The following GABRB2 variants were observed in gnomAD, a reference collection of about 807,000 sequenced individuals.
GABRB2 encodes gamma-aminobutyric acid receptor subunit beta-2.
A neutral mutation model predicts 54.7 loss-of-function variants in GABRB2; 16 were observed. That is an observed-to-expected ratio of 0.29 (90% CI 0.20 to 0.44). The LOEUF is 0.44. Ranked by LOEUF, GABRB2 falls within the 20% of genes least tolerant of loss-of-function variation. GABRB2 has a pLI of 1.00. For missense variants in GABRB2, 355 were observed against 644.0 expected (o/e 0.55, Z 4.86); for synonymous variants, 244 against 233.8 (o/e 1.04, Z -0.40).
At chr5:161,485,552 T>C (rs1758895827) in intron 3 of GABRB2, among the ~76,000 whole-genome samples, 1 of 151,956 alleles carries the variant, frequency 6.6e-6, no homozygotes, top group Non-Finnish European at 1.5e-5. Context: ...TTATACAATG[T>C]CAATTCATTT....
At chr5:161,466,030 C>T (rs1758266184) in intron 3 of GABRB2, among the ~76,000 whole-genome samples, 1 of 152,050 alleles carries the variant, frequency 6.6e-6, no homozygotes, top group African/African-American at 2.4e-5. Flanking sequence ...TCTTAACCTT[C>T]AACCTGTGAC....
intron 3 of GABRB2, among the ~76,000 whole-genome samples, chr5:161,525,496 A>T (rs17463127): frequency 0.19 from 28,179 of 151,240 alleles, 3,358 homozygotes; most frequent in Non-Finnish European, 0.27. Context: ...GAACTAATAC[A>T]CAATTGTCAA....
At chr5:161,344,998 A>G (rs749037560) in intron 5 of GABRB2, among the ~76,000 whole-genome samples, 7 of 152,068 alleles carry the variant, frequency 4.6e-5, no homozygotes, top group Non-Finnish European at 7.4e-5. Flanking sequence ...GAACAGTGAG[A>G]ACACATGGAC....
At chr5:161,542,277 A>G (rs1760844569) in intron 3 of GABRB2, among the ~76,000 whole-genome samples, 1 of 152,234 alleles carries the variant, frequency 6.6e-6, no homozygotes, top group Non-Finnish European at 1.5e-5. Context: ...TGACACAGAG[A>G]CACAAAGTGA....
At chr5:161,501,889 TAATA>T (rs2113379924) in intron 3 of GABRB2, among the ~76,000 whole-genome samples, 1 of 149,244 alleles carries the variant, frequency 6.7e-6, no homozygotes, top group South Asian at 2.1e-4. Flanking sequence ...TAAAATATCT[TAATA>T]AACATTTCAT....
chr5:161,469,678 T>TACACAC lies in GABRB2; in HGVS notation c.238-9835_238-9834insGTGTGT, dbSNP rs1458265312. ...AGGAGATGGAAACATTATTCACACA[T>TACACAC]ACACATACACATACACATACACATA... On this transcript the variant is annotated intron_variant, in intron 3 of 9. Coordinates refer to ENST00000393959, the MANE Select transcript of GABRB2 (RefSeq NM_001371727.1). Among the ~76,000 whole-genome samples the TACACAC allele has an allele frequency of 8.7e-3, 768 of 88,474 alleles. 6 individuals are homozygous for TACACAC. Among genetic ancestry groups the TACACAC allele is most frequent in the African/African-American group, 0.04 (727 of 18,270 alleles). The allele number at this position is 88,474 out of a possible 152,430, so 58.0% of individuals were successfully genotyped here. A position where few individuals can be genotyped will look rare whatever the true frequency, so the allele number is the denominator to read the frequency against.
chr5:161,430,688 A>G (rs1434018966), intron 4 of GABRB2, among the ~76,000 whole-genome samples: 1 of 152,178 alleles, frequency 6.6e-6, no homozygotes, highest in Non-Finnish European at 1.5e-5. Context: ...TAAGAAAGAA[A>G]GAGAAATATT....
At chr5:161,341,214 T>C (rs1021356382) in intron 5 of GABRB2, among the ~76,000 whole-genome samples, 6 of 151,914 alleles carry the variant, frequency 3.9e-5, no homozygotes, top group African/African-American at 1.4e-4. Flanking sequence ...TATTTAGCAG[T>C]CTCTCAAAGT....
intron 5 of GABRB2, among the ~76,000 whole-genome samples, chr5:161,358,104 T>C (rs1561620851): frequency 6.6e-6 from 1 of 152,032 alleles, no homozygotes; most frequent in Non-Finnish European, 1.5e-5. Context: ...AGAATTCAGG[T>C]TGATGAAAAG....
chr5:161,483,457 G>A (rs1250163182), intron 3 of GABRB2, among the ~76,000 whole-genome samples: 1 of 151,866 alleles, frequency 6.6e-6, no homozygotes, highest in Non-Finnish European at 1.5e-5. Context: ...GGGGTGGTAG[G>A]GGAGGATAAA....
At chr5:161,424,104 A>T (rs963047774) in intron 4 of GABRB2, among the ~76,000 whole-genome samples, 3 of 152,180 alleles carry the variant, frequency 2.0e-5, no homozygotes, top group African/African-American at 7.2e-5. Context: ...AGGTTGGTTC[A>T]TGAAGTTTAA....
intron 3 of GABRB2, among the ~76,000 whole-genome samples, chr5:161,504,628 A>G (rs1211361365): frequency 6.6e-6 from 1 of 152,102 alleles, no homozygotes; most frequent in Non-Finnish European, 1.5e-5. Flanking sequence ...GATCTAGGAT[A>G]AACCTTAACG....
chr5:161,405,923 T>C (rs919835870), intron 5 of GABRB2, among the ~76,000 whole-genome samples: 2 of 152,024 alleles, frequency 1.3e-5, no homozygotes, highest in Non-Finnish European at 2.9e-5. Context: ...CCCAACAACA[T>C]GTTGCCTTTA....
At chr5:161,415,262 T>C (rs972694068) in intron 4 of GABRB2, among the ~76,000 whole-genome samples, 1 of 152,178 alleles carries the variant, frequency 6.6e-6, no homozygotes. Context: ...TCGTCTATAG[T>C]TAAAAGTGGA....
intron 4 of GABRB2, among the ~76,000 whole-genome samples, chr5:161,449,548 C>T (rs944040922): frequency 1.3e-5 from 2 of 152,158 alleles, no homozygotes; most frequent in African/African-American, 4.8e-5. Flanking sequence ...GCAAAAGTTA[C>T]TCCAAATGTA....
At chr5:161,496,206 T>C (rs1759237578) in intron 3 of GABRB2, among the ~76,000 whole-genome samples, 1 of 152,094 alleles carries the variant, frequency 6.6e-6, no homozygotes, top group Admixed American at 6.6e-5. Context: ...TTATGCAACC[T>C]CCCCAGCTCT....
At chr5:161,535,658 G>T (rs752085604) in intron 3 of GABRB2, among the ~76,000 whole-genome samples, 4 of 152,150 alleles carry the variant, frequency 2.6e-5, no homozygotes, top group Non-Finnish European at 5.9e-5. Flanking sequence ...GGCTAATAGT[G>T]GCTGTCTCAG....
chr5:161,316,608 ATTCT>A (rs1758036372), intron 9 of GABRB2, among the ~76,000 whole-genome samples: 2 of 126,068 alleles, frequency 1.6e-5, no homozygotes, highest in East Asian at 2.2e-4. Flanking sequence ...TTATTCATTC[ATTCT>A]TTCTTTCTTT....
At chr5:161,369,513 A>G (rs1755069525) in intron 5 of GABRB2, among the ~76,000 whole-genome samples, 1 of 148,632 alleles carries the variant, frequency 6.7e-6, no homozygotes, top group African/African-American at 2.5e-5. Flanking sequence ...TCTCAGAGAA[A>G]GAGAGAGAGA....
Sources: gnomAD v4.1 joint callset for allele counts (sites outside exome capture counted in the v4.1 genomes callset) on GRCh38, gnomAD v4.1.1 for gene constraint, MANE v1.5 for transcripts, NCBI Gene and HGNC (gene_info 2026-07-23, HGNC 2026-07-21) for gene names.